The following CDH12 variants were observed in gnomAD, a reference collection of about 807,000 sequenced individuals.
CDH12 encodes the protein cadherin 12.
A neutral mutation model predicts 74.1 loss-of-function variants in CDH12; 41 were observed. The observed-to-expected ratio is 0.55, with a 90% confidence interval of 0.43 to 0.72. The LOEUF (loss-of-function observed/expected upper bound fraction) is 0.72, where lower values mean the gene tolerates loss of function less well. CDH12 is among the 30% of genes least tolerant of loss of function. CDH12 has a pLI of 0.00. For synonymous variants in CDH12, 399 were observed against 355.0 expected (o/e 1.12, Z -1.39); for missense variants, 945 against 977.2 (o/e 0.97, Z 0.44).
At chr5:22,674,367 T>C (rs1407791640) in intron 1 of CDH12, among the ~76,000 whole-genome samples, 2 of 152,190 alleles carry the variant, frequency 1.3e-5, no homozygotes, top group African/African-American at 4.8e-5. Context: ...TCTGCCACCA[T>C]GTGAGACATA....
intron 1 of CDH12, among the ~76,000 whole-genome samples, chr5:22,761,930 AAC>A (rs10662625): frequency 0.032 from 4,764 of 148,768 alleles, 108 homozygotes; most frequent in African/African-American, 0.062. Flanking sequence ...TAATTTCTCA[AAC>A]ACACACACAC....
intron 1 of CDH12, among the ~76,000 whole-genome samples, chr5:22,781,442 T>C (rs993303322): frequency 6.6e-6 from 1 of 152,188 alleles, no homozygotes; most frequent in Non-Finnish European, 1.5e-5. Flanking sequence ...TCTTTCTGTC[T>C]ATTTCATTTC....
At chr5:22,028,806 C>T (rs1321352731) in intron 5 of CDH12, among the ~76,000 whole-genome samples, 1 of 152,192 alleles carries the variant, frequency 6.6e-6, no homozygotes, top group African/African-American at 2.4e-5. Context: ...ATCATCAAGA[C>T]AAACCTAAGC....
rs139988433 is a variant in CDH12, at chr5:21,813,211, G to A, written c.1002+3734C>T. Reference sequence around the variant, plus strand: ...GGGTAAGGCGAGGCCAGGTGTGGTGGCTCATGCCTGTAATCCCAGCACTTT... The same window carrying A: ...GGGTAAGGCGAGGCCAGGTGTGGTGACTCATGCCTGTAATCCCAGCACTTT... On this transcript the variant is annotated intron_variant, in intron 9 of 14. Transcript: ENST00000382254. Among the ~76,000 whole-genome samples, 724 of 152,210 alleles carry A rather than the reference G, an allele frequency of 4.8e-3. 7 individuals carry two copies. The highest frequency in any genetic ancestry group is 0.017 in the African/African-American group (705 of 41,548).
intron 3 of CDH12, among the ~76,000 whole-genome samples, chr5:22,383,681 T>G (rs752817346): frequency 1.6e-4 from 24 of 152,342 alleles, no homozygotes; most frequent in Non-Finnish European, 3.1e-4. Context: ...ATCTCCCAAT[T>G]CATGTGTATA....
intron 1 of CDH12, among the ~76,000 whole-genome samples, chr5:22,731,052 T>G (rs1434413360): frequency 6.6e-6 from 1 of 151,856 alleles, no homozygotes; most frequent in Admixed American, 6.6e-5. Context: ...TTCATTTTCA[T>G]CAAAAGCATC....
intron 1 of CDH12, among the ~76,000 whole-genome samples, chr5:22,787,914 T>A (rs1043232041): frequency 2.0e-5 from 3 of 152,200 alleles, no homozygotes; most frequent in African/African-American, 7.2e-5. Flanking sequence ...TTTCTTGTCA[T>A]CTAATCTTAG....
At chr5:22,429,108 T>TATTTC (rs1744063147) in intron 2 of CDH12, among the ~76,000 whole-genome samples, 1 of 140,018 alleles carries the variant, frequency 7.1e-6, no homozygotes, top group Non-Finnish European at 1.5e-5. Flanking sequence ...TATTCTATTT[T>TATTTC]ATTTTATTTT....
At chr5:22,475,877 G>T (rs188797688) in intron 2 of CDH12, among the ~76,000 whole-genome samples, 5 of 152,030 alleles carry the variant, frequency 3.3e-5, no homozygotes, top group Admixed American at 3.3e-4. Context: ...TCAAAAACAA[G>T]ATTTCATAAA....
At chr5:22,419,179 G>C (rs1169788664) in intron 2 of CDH12, among the ~76,000 whole-genome samples, 1 of 152,042 alleles carries the variant, frequency 6.6e-6, no homozygotes, top group African/African-American at 2.4e-5. Context: ...GGATACATGG[G>C]CAGGACGTGC....
intron 4 of CDH12, among the ~76,000 whole-genome samples, chr5:22,082,830 A>T (rs1335083437): frequency 6.6e-6 from 1 of 152,130 alleles, no homozygotes; most frequent in African/African-American, 2.4e-5. Flanking sequence ...TTCTGTTCTT[A>T]CTTTGGCTCT....
chr5:21,833,442 ATAT>A (rs1749333876), intron 8 of CDH12, among the ~76,000 whole-genome samples: 1 of 116,444 alleles, frequency 8.6e-6, no homozygotes, highest in Non-Finnish European at 1.7e-5. Context: ...TTAATTACAT[ATAT>A]TATTAATATA....
rs370359699 is a variant in CDH12, at chr5:22,204,317, C to T, written c.-187+8181G>A. ...CTGGGACTACAGGCACCCGTCACCA[C>T]GCCCGGTTAGTTTTTTGTATTTTTA... is the stretch of plus-strand genomic sequence containing the variant. On this transcript the variant is annotated intron_variant, in intron 4 of 14. Transcript: ENST00000382254. 5.9e-5 allele frequency among the ~76,000 whole-genome samples: 9 copies of T among 152,198 alleles called. 1 individual carries two copies. Among genetic ancestry groups the T allele is most frequent in the African/African-American group, 1.7e-4 (7 of 41,546 alleles).
At chr5:22,540,888 C>A (rs1561479086) in intron 1 of CDH12, among the ~76,000 whole-genome samples, 1 of 152,094 alleles carries the variant, frequency 6.6e-6, no homozygotes, top group African/African-American at 2.4e-5. Context: ...ATATATATAG[C>A]AATTATTGGT....
At chr5:22,300,308 G>T (rs1737821609) in intron 3 of CDH12, among the ~76,000 whole-genome samples, 1 of 152,146 alleles carries the variant, frequency 6.6e-6, no homozygotes, top group African/African-American at 2.4e-5. Context: ...CCATATGTAT[G>T]CACTGGTTCC....
At chr5:22,280,550 G>A (rs527394130) in intron 3 of CDH12, among the ~76,000 whole-genome samples, 114 of 152,114 alleles carry the variant, frequency 7.5e-4, no homozygotes, top group Middle Eastern at 3.4e-3. Context: ...TATCACCACC[G>A]ATCCCACAGG....
chr5:22,466,160 A>G (rs1434185141), intron 2 of CDH12, among the ~76,000 whole-genome samples: 1 of 152,210 alleles, frequency 6.6e-6, no homozygotes, highest in East Asian at 1.9e-4. Context: ...TTCCATCTCC[A>G]GCCCTTGGCC....
At chr5:22,431,189 G>C (rs1429424742) in intron 2 of CDH12, among the ~76,000 whole-genome samples, 1 of 152,082 alleles carries the variant, frequency 6.6e-6, no homozygotes, top group East Asian at 1.9e-4. Flanking sequence ...ACAATGTATA[G>C]GCACACAGCA....
At chr5:21,818,951 T>C (rs1444988780) in intron 8 of CDH12, among the ~76,000 whole-genome samples, 1 of 152,040 alleles carries the variant, frequency 6.6e-6, no homozygotes, top group Non-Finnish European at 1.5e-5. Context: ...TAGGGTAGGA[T>C]TATTGTTTTA....
Sources: allele counts gnomAD v4.1 joint callset (sites outside exome capture counted in the v4.1 genomes callset), GRCh38; gene constraint gnomAD v4.1.1; transcripts MANE v1.5; gene names NCBI Gene and HGNC (gene_info 2026-07-23, HGNC 2026-07-21).